RICTOR: variants seen among roughly 807,000 people sequenced by gnomAD.
RICTOR encodes the protein rapamycin-insensitive companion of mTOR.
Under a neutral mutation model 214.9 loss-of-function variants are expected in RICTOR, and 49 were observed. The ratio of observed to expected loss-of-function variants is 0.23; its 90% CI spans 0.18 to 0.29. RICTOR has a LOEUF of 0.29. Ranked by LOEUF, RICTOR falls within the 10% of genes least tolerant of loss-of-function variation. The pLI is 1.00. For synonymous variants in RICTOR, 717 were observed against 711.3 expected (o/e 1.01, Z -0.13); for missense variants, 1,625 against 2,047.0 (o/e 0.79, Z 3.98).
intron 27 of RICTOR, 25 bp downstream of exon 27, chr5:38,954,749 T>C (rs1749096783): frequency 7.3e-7 from 1 of 1,367,138 alleles, no homozygotes; most frequent in African/African-American, 1.4e-5. Flanking sequence ...TGTAGCTACT[T>C]AAAATAAGTG....
At chr5:38,999,681 T>G (rs1753467056) in intron 5 of RICTOR, among the ~76,000 whole-genome samples, 1 of 151,940 alleles carries the variant, frequency 6.6e-6, no homozygotes, top group South Asian at 2.1e-4. Flanking sequence ...AATACCAAGA[T>G]AGCAAACAAA....
rs111273338 is a variant in RICTOR at position 38,975,421 on chromosome 5, A to AATG, written c.889+115_889+116insCAT. On this transcript the variant is annotated intron_variant, in intron 10 of 37. Coordinates refer to ENST00000357387, the MANE Select transcript of RICTOR (RefSeq NM_152756.5). ...GAGTTCCTTTGGTTCTAATAATAAT[A>AATG]TACAAAGTAAGACTAGATTAGCATC... The AATG allele has an allele frequency of 7.0e-4, 495 of 711,760 alleles. 2 individuals carry two copies. The African/African-American group carries it at 7.5e-3, about 11-fold the overall frequency. The allele number at this position is 711,760 out of a possible 1,614,324, so 44.1% of individuals were successfully genotyped here.
At chr5:38,953,637 C>G (rs902147462) in intron 27 of RICTOR, 84 bp from the exon 28 acceptor site, 6 of 442,382 alleles carry the variant, frequency 1.4e-5, no homozygotes, top group African/African-American at 1.0e-4. Flanking sequence ...ACCAGTATAA[C>G]GTTTGTTTTT....
At chr5:38,961,276 G>A (rs954672729) in intron 19 of RICTOR, among the ~76,000 whole-genome samples, 3 of 152,038 alleles carry the variant, frequency 2.0e-5, no homozygotes, top group Non-Finnish European at 4.4e-5. Flanking sequence ...GATAAATGAG[G>A]ATGTCACCTG....
Position 38,950,118 on chromosome 5 carries a change from C to T in RICTOR, c.3730G>A (p.Asp1244Asn). ...SSPSRETVGVDATTMDTDCGS... is the reference protein window; with the variant it reads ...SSPSRETVGVNATTMDTDCGS... ...CAGTCTGTGTCCATAGTTGTAGCAT[C>T]TACACCTACTGTCTCTCGTGAAGGA... is the stretch of plus-strand genomic sequence containing the variant. Residue 1244 changes from aspartate to asparagine, a missense_variant, in exon 31 of 38, where the codon GAT becomes AAT. Around this residue, in one of 5 missense-constraint regions of RICTOR, gnomAD observed 1,214 missense variants for 1,470.5 expected, o/e 0.83. Coordinates refer to ENST00000357387, the MANE Select transcript of RICTOR (RefSeq NM_152756.5). The T allele has an allele frequency of 2.5e-6, 4 of 1,613,438 alleles. No individual in the cohort carries two copies. Among genetic ancestry groups the T allele is most frequent in the Non-Finnish European group, 2.5e-6 (3 of 1,179,656 alleles).
intron 2 of RICTOR, among the ~76,000 whole-genome samples, chr5:39,049,944 C>CA (rs1441087671): frequency 1.1e-4 from 16 of 151,996 alleles, no homozygotes; most frequent in Non-Finnish European, 1.5e-4. Context: ...GGTAACAAGA[C>CA]AAAATGGGGG....
intron 5 of RICTOR, among the ~76,000 whole-genome samples, chr5:39,002,250 T>A (rs1369330921): frequency 6.6e-6 from 1 of 150,876 alleles, no homozygotes; most frequent in Non-Finnish European, 1.5e-5. Context: ...ACTGTATACG[T>A]CCAACACACA....
At chr5:39,001,903 T>C (rs1219754370) in intron 5 of RICTOR, among the ~76,000 whole-genome samples, 4 of 152,078 alleles carry the variant, frequency 2.6e-5, no homozygotes, top group Non-Finnish European at 4.4e-5. Context: ...ATAGTAGAAG[T>C]ATAATCAGTG....
Position 39,021,101 on chromosome 5 carries a change from C to T in RICTOR, c.133G>A (p.Val45Met), listed in dbSNP as rs762685524. The T allele has an allele frequency of 6.2e-7, 1 of 1,601,280 alleles. No individual in the cohort carries two copies. Among genetic ancestry groups the T allele is most frequent in the Non-Finnish European group, 8.6e-7 (1 of 1,168,428 alleles). Residue 45 changes from valine (V) to methionine (M), a missense_variant, in exon 3 of 38, where the codon GTG becomes ATG. By Grantham distance (21) the Val-to-Met change is conservative. Transcript: ENST00000357387. ...TTTGATACTCCCTGCAATCTGGCCA[C>T]ATTTTGGAGAATCTCTCTTAAGTTA... ...SDNLREILQN[V>M]ARLQGVSNMR...
intron 2 of RICTOR, among the ~76,000 whole-genome samples, chr5:39,055,975 T>A (rs1261978620): frequency 6.6e-6 from 1 of 152,168 alleles, no homozygotes. Context: ...AGGAACGAGG[T>A]TAAGATGTCT....
intron 6 of RICTOR, among the ~76,000 whole-genome samples, chr5:38,994,776 T>G (rs924470623): frequency 5.9e-5 from 9 of 152,184 alleles, no homozygotes; most frequent in Admixed American, 4.6e-4. Flanking sequence ...AATACAAAAT[T>G]GAAGTAAAAC....
intron 30 of RICTOR, among the ~76,000 whole-genome samples, chr5:38,951,753 A>C (rs183995230): frequency 1.1e-4 from 16 of 152,134 alleles, no homozygotes; most frequent in African/African-American, 3.6e-4. Context: ...TCTATTAACA[A>C]TTTCACTATT....
intron 10 of RICTOR, among the ~76,000 whole-genome samples, chr5:38,974,342 T>A (rs1258952431): frequency 6.6e-6 from 1 of 152,046 alleles, no homozygotes; most frequent in Non-Finnish European, 1.5e-5. Flanking sequence ...TCTAAGTTTC[T>A]AATGATGAAT....
chr5:38,970,674 AT>A (rs1186083862), intron 11 of RICTOR: 3 of 152,042 alleles, frequency 2.0e-5, no homozygotes, highest in African/African-American at 7.3e-5. Context: ...ATTAAAACAA[AT>A]AAAAACATTT....
chr5:38,975,798 C>A (rs1442108363), intron 9 of RICTOR, among the ~76,000 whole-genome samples, 194 bp from the exon 10 acceptor site: 1 of 152,224 alleles, frequency 6.6e-6, no homozygotes, highest in Non-Finnish European at 1.5e-5. Flanking sequence ...CTTAAACTCA[C>A]AACATCGTTT....
intron 2 of RICTOR, among the ~76,000 whole-genome samples, chr5:39,030,980 A>C (rs777952866): frequency 5.9e-5 from 9 of 152,168 alleles, no homozygotes; most frequent in Non-Finnish European, 1.3e-4. Context: ...GGAGGGTGAT[A>C]TGCATATAAC....
chr5:38,975,302 G>T (rs1428653782), intron 10 of RICTOR, among the ~76,000 whole-genome samples: 1 of 151,920 alleles, frequency 6.6e-6, no homozygotes, highest in East Asian at 1.9e-4. Flanking sequence ...CACAGTGACT[G>T]GCAAATAATA....
At chr5:39,004,199 C>G (rs1376329769) in intron 3 of RICTOR, among the ~76,000 whole-genome samples, 1 of 152,012 alleles carries the variant, frequency 6.6e-6, no homozygotes, top group Non-Finnish European at 1.5e-5. Flanking sequence ...CTGAAGAACT[C>G]TGTTGTTGCT....
chr5:38,982,885 C>T (rs2150063766), intron 7 of RICTOR, among the ~76,000 whole-genome samples: 1 of 151,910 alleles, frequency 6.6e-6, no homozygotes, highest in South Asian at 2.1e-4. Flanking sequence ...TTTATTTTTA[C>T]TCTTTTTCAA....
Sources: allele counts gnomAD v4.1 joint callset (sites outside exome capture counted in the v4.1 genomes callset), GRCh38; gene constraint gnomAD v4.1.1; regional missense constraint gnomAD v4.1.1; transcripts MANE v1.5; gene names NCBI Gene and HGNC (gene_info 2026-07-23, HGNC 2026-07-21).